INTS1: variants seen among roughly 807,000 people sequenced by gnomAD.
The protein encoded by INTS1 is integrator complex subunit 1.
INTS1 carries 137 observed loss-of-function variants against 241.6 expected under a neutral mutation model. That is an observed-to-expected ratio of 0.57 (90% CI 0.49 to 0.65). The LOEUF (loss-of-function observed/expected upper bound fraction) is 0.65. Ranked by LOEUF, INTS1 falls within the 30% of genes least tolerant of loss-of-function variation. The pLI is 0.00. For synonymous variants in INTS1, 1,692 were observed against 1,337.8 expected (o/e 1.26, Z -5.78); for missense variants, 3,073 against 3,032.2 (o/e 1.01, Z -0.32).
At chr7:1,487,516 C>T (rs958642032) in intron 19 of INTS1, 67 bp from the exon 20 acceptor site, 7 of 1,538,406 alleles carry the variant, frequency 4.6e-6, no homozygotes, top group East Asian at 2.3e-5. Flanking sequence ...ACCCCTCCTC[C>T]TCCCATCCCT....
Position 1,493,890 on chromosome 7 carries a change from G to A in INTS1, c.1932C>T (p.Ser644=), listed in dbSNP as rs778502259. The A allele has an allele frequency of 9.0e-6, 14 of 1,563,042 alleles. No homozygotes were observed. The highest frequency in any genetic ancestry group is 2.7e-5 in the African/African-American group (2 of 73,532). ...SDRNFFLRLC[S]EVPILEDTLM... Reference sequence around the variant, plus strand: ...GCGTGTCCTCCAAAATGGGCACCTCGGAGCACAGACGCAGGAAGAAGCTGC... The same window carrying A: ...GCGTGTCCTCCAAAATGGGCACCTCAGAGCACAGACGCAGGAAGAAGCTGC... The change falls in exon 15 of 48, where the codon TCC becomes TCT. Residue 644 remains serine, a synonymous_variant. Transcript: ENST00000404767. The surrounding 1 kb of genome is among the most constrained non-coding windows in gnomAD (Gnocchi z 5.3).
At chr7:1,494,734 G>T in intron 14 of INTS1, 82 bp downstream of exon 14, 1 of 1,368,466 alleles carries the variant, frequency 7.3e-7, no homozygotes, top group Non-Finnish European at 1.0e-6. Flanking sequence ...ACTCCCACTG[G>T]CCCTTCCTGC....
chr7:1,494,608 G>C, intron 14 of INTS1: 1 of 616,986 alleles, frequency 1.6e-6, no homozygotes, highest in South Asian at 1.9e-5. Context: ...GGACGCAGAC[G>C]GCAGCTGAAT....
rs1562503959 is a variant in INTS1, at chr7:1,487,447, C to G, written c.2519G>C (p.Gly840Ala). 2 of 1,610,734 alleles carry G rather than the reference C, an allele frequency of 1.2e-6. No homozygotes were observed. Among genetic ancestry groups the G allele is most frequent in the Non-Finnish European group, 1.7e-6 (2 of 1,179,300 alleles). ...LSQLTSLDPQ[G>A]PPRRPPPHIL... ...GTGAGGGGGAGGCCTCCGGGGGGGCCCCCTGAGGGCCACAGGGGACACGGT... is the reference window on the plus strand; with the variant it reads ...GTGAGGGGGAGGCCTCCGGGGGGGCGCCCTGAGGGCCACAGGGGACACGGT... The change falls in exon 20 of 48, where the codon GGG (glycine) becomes GCG (alanine). Residue 840 changes from glycine to alanine, a missense_variant and splice_region_variant. By Grantham distance (60) the Gly-to-Ala change is moderately conservative. Transcript: ENST00000404767.
At chr7:1,472,921 G>T in intron 43 of INTS1, 151 bp downstream of exon 43, 2 of 561,540 alleles carry the variant, frequency 3.6e-6, no homozygotes, top group Non-Finnish European at 3.1e-6. Context: ...TCCCCTTGAG[G>T]TGGGTCAGGG....
In INTS1 at chr7:1,478,770, C is replaced by T. The variant is rs1164902901; in HGVS notation, c.4445G>A (p.Arg1482Lys). The change falls in exon 32 of 48, where the codon AGG becomes AAG. Residue 1482 changes from arginine to lysine, a missense_variant. By Grantham distance (26) the Arg-to-Lys change is conservative (BLOSUM62 2). Coordinates refer to ENST00000404767, the MANE Select transcript of INTS1 (RefSeq NM_001080453.3). ...GGCTGAGGCCTGGCTGGCAAGCATC[C>T]TGAGCTGTGCCCGCAGGGGCCCGCC... ...VEGGPLRAQL[R>K]MLASQASAGR... is the part of the protein sequence containing the mutation. The T allele has an allele frequency of 1.1e-5, 18 of 1,601,868 alleles. No homozygotes were observed. The highest frequency in any genetic ancestry group is 1.4e-5 in the Non-Finnish European group (16 of 1,175,292).
rs751180595 is a variant in INTS1, at chr7:1,495,401, G to A, written c.1832+32C>T. 3.1e-6 allele frequency: 5 copies of A among 1,588,870 alleles called. No homozygotes were observed. The African/African-American group carries it at 4.0e-5, about 13-fold the overall frequency. ...GGCTTGTCCCGGCTCAGTGGGGTGTGGGACAGGGGCTGTACAGGGCCCCAG... is the reference window on the plus strand; with the variant it reads ...GGCTTGTCCCGGCTCAGTGGGGTGTAGGACAGGGGCTGTACAGGGCCCCAG... On this transcript the variant is annotated intron_variant, in intron 13 of 47. Coordinates refer to ENST00000404767, the MANE Select transcript of INTS1 (RefSeq NM_001080453.3).
rs747050308 is a variant in INTS1 at position 1,476,591 on chromosome 7, C to T, written c.5130G>A (p.Gly1710=). ...ACIHVPRIWQ[G]RDQRTPQKRR... ...CTGCCTGCGGGGTGCGCTGGTCCCGCCCCTGCCAGATGCGAGGAACATGGA... is the reference window on the plus strand; with the variant it reads ...CTGCCTGCGGGGTGCGCTGGTCCCGTCCCTGCCAGATGCGAGGAACATGGA... The change falls in exon 37 of 48, where the codon GGG becomes GGA. Residue 1710 remains glycine (G), a synonymous_variant. Transcript: ENST00000404767. The T allele has an allele frequency of 1.9e-6, 3 of 1,612,404 alleles. No homozygotes were observed. The East Asian group carries it at 6.7e-5, about 36-fold the overall frequency.
At chr7:1,483,536 G>C in intron 26 of INTS1, 1 of 617,948 alleles carries the variant, frequency 1.6e-6, no homozygotes, top group South Asian at 1.8e-5. Context: ...CACCACGTGG[G>C]GATCTCCCAC....
chr7:1,472,684 G>A (rs1163251145), intron 43 of INTS1, among the ~76,000 whole-genome samples: 36 of 152,252 alleles, frequency 2.4e-4, no homozygotes, highest in Admixed American at 2.2e-3. Flanking sequence ...CGGCGGCACA[G>A]GAGAGACGTG....
At chr7:1,476,999 A>C in intron 35 of INTS1, 81 bp from the exon 36 acceptor site, 10 of 1,496,412 alleles carry the variant, frequency 6.7e-6, no homozygotes, top group East Asian at 2.4e-5. Flanking sequence ...AGCTTCCCCA[A>C]TGAGCCACTC....
In INTS1 at chr7:1,483,875, C is replaced by A. The variant is rs763469779; in HGVS notation, c.3430-22G>T. The A allele has an allele frequency of 5.6e-6, 9 of 1,603,224 alleles. No individual in the cohort carries two copies. In the South Asian group the frequency reaches 9.9e-5, roughly 18 times the overall value. On this transcript the variant is annotated intron_variant, in intron 25 of 47. Transcript: ENST00000404767. ...CCGACTGTGGGAAAAGAGGTGGAGT[C>A]AGGCCGTAAGGTTCAGGGACCCTGA... is the stretch of plus-strand genomic sequence containing the variant.
chr7:1,486,906 G>C lies in INTS1; in HGVS notation c.2826+16C>G. ...GGGGTGAGAGGCGGGGGGGCTGAGG[G>C]GTGGGCGGCCCTGACCTGCCGCTTC... On this transcript the variant is annotated intron_variant, in intron 21 of 47. Transcript: ENST00000404767. 6.3e-7 allele frequency: 1 copy of C among 1,588,968 alleles called. No homozygotes were observed. The highest frequency in any genetic ancestry group is 2.3e-5 in the East Asian group (1 of 44,032).
At chr7:1,498,309 C>G in intron 10 of INTS1, 103 bp downstream of exon 10, 1 of 1,509,564 alleles carries the variant, frequency 6.6e-7, no homozygotes, top group Non-Finnish European at 8.9e-7. Flanking sequence ...CATTCTCCCA[C>G]GAAGCACTGC....
At chr7:1,473,209 TG>T (rs1781554140) in intron 42 of INTS1, 25 bp from the exon 43 acceptor site, 1 of 1,541,070 alleles carries the variant, frequency 6.5e-7, no homozygotes, top group Non-Finnish European at 8.9e-7. Flanking sequence ...TGCTTTCACC[TG>T]GGAGGAAGAC....
At position 1,479,384 on chromosome 7, in the gene INTS1, A is replaced by G. The variant is rs1371398997; in HGVS notation, c.4329+46T>C. 12 of 1,536,370 alleles carry G rather than the reference A, an allele frequency of 7.8e-6. No individual in the cohort carries two copies. In the Admixed American group the frequency reaches 2.2e-4, roughly 28 times the overall value. On this transcript the variant is annotated intron_variant, in intron 31 of 47. Coordinates refer to ENST00000404767, the MANE Select transcript of INTS1 (RefSeq NM_001080453.3). ...ACCCGGGCCGTCCTGCGGGAGGCAGAGCCCTCACTGCCCTCCTCCCCCGCA... is the reference window on the plus strand; with the variant it reads ...ACCCGGGCCGTCCTGCGGGAGGCAGGGCCCTCACTGCCCTCCTCCCCCGCA...
chr7:1,488,245 C>T (rs1051650311), intron 18 of INTS1, among the ~76,000 whole-genome samples: 18 of 152,188 alleles, frequency 1.2e-4, no homozygotes, highest in South Asian at 4.1e-4. Context: ...GGCCTCCTCC[C>T]AGGCCACCTC....
intron 26 of INTS1, chr7:1,483,481 C>A (rs544941528): frequency 5.5e-6 from 3 of 547,534 alleles, no homozygotes; most frequent in African/African-American, 1.9e-5. Flanking sequence ...TGACCCCAGG[C>A]TGTACCAGGC....
Position 1,476,619 on chromosome 7 carries a change from C to T in INTS1, c.5102G>A (p.Cys1701Tyr). ...PSASLDFLWA[C>Y]IHVPRIWQGR... ...CTGCCAGATGCGAGGAACATGGATG[C>T]AGGCCCAGAGGAAGTCCAGAGAGGC... is the stretch of plus-strand genomic sequence containing the variant. The change falls in exon 37 of 48, where the codon TGC (cysteine) becomes TAC (tyrosine). Residue 1701 changes from cysteine (C) to tyrosine (Y), a missense_variant. Coordinates refer to ENST00000404767, the MANE Select transcript of INTS1 (RefSeq NM_001080453.3). 1 of 1,612,594 alleles carries T rather than the reference C, an allele frequency of 6.2e-7. No individual in the cohort carries two copies. The highest frequency in any genetic ancestry group is 2.2e-5 in the East Asian group (1 of 44,860).
Sources: allele counts gnomAD v4.1 joint callset (sites outside exome capture counted in the v4.1 genomes callset), GRCh38; gene constraint gnomAD v4.1.1; non-coding constraint Gnocchi (gnomAD v3.1); transcripts MANE v1.5; gene names NCBI Gene and HGNC (gene_info 2026-07-23, HGNC 2026-07-21).